Variants in GAN observed in about 807,000 individuals in gnomAD.
GAN encodes gigaxonin.
GAN carries 48 observed loss-of-function variants against 71.3 expected under a neutral mutation model. The ratio of observed to expected loss-of-function variants is 0.67; its 90% CI spans 0.53 to 0.86. GAN has a LOEUF of 0.86. Ranked by LOEUF, GAN falls within the 40% of genes least tolerant of loss-of-function variation. GAN has a pLI of 0.00. For missense variants in GAN, 928 were observed against 770.1 expected (o/e 1.21, Z -2.43); for synonymous variants, 386 against 276.8 (o/e 1.39, Z -3.92).
In GAN at chr16:81,388,368, A is replaced by C. The variant is rs1904464789; in HGVS notation, c.*10772A>C. 1.3e-5 allele frequency: 2 copies of C among 152,368 alleles called. No individual in the cohort carries two copies. Among genetic ancestry groups the C allele is most frequent in the African/African-American group, 4.8e-5 (2 of 41,446 alleles). The allele number at this position is 152,368 out of a possible 1,614,324, so 9.4% of individuals were successfully genotyped here. A position where few individuals can be genotyped will look rare whatever the true frequency, so the allele number is the denominator to read the frequency against. On this transcript the variant is annotated 3_prime_UTR_variant, in exon 11 of 11. Transcript: ENST00000648994. ...ATGAGCCTCACAGATCCCTGAGCAG[A>C]CCTGCATACTAGCACTTTCCACAAC...
chr16:81,316,203 A>G (rs1005346488), intron 1 of GAN, among the ~76,000 whole-genome samples: 5 of 152,132 alleles, frequency 3.3e-5, no homozygotes, highest in African/African-American at 9.7e-5. Context: ...ATAAAAGGAA[A>G]GGGGGGAATG....
rs1024792424 is a variant in GAN, at chr16:81,383,959, T to A, written c.*6363T>A. 1.9e-4 allele frequency: 29 copies of A among 152,180 alleles called. No homozygotes were observed. The highest frequency in any genetic ancestry group is 7.0e-4 in the African/African-American group (29 of 41,440). 9.4% of individuals were successfully genotyped at this position (152,180 alleles called of 1,614,324 possible). A position where few individuals can be genotyped will look rare whatever the true frequency, so the allele number is the denominator to read the frequency against. On this transcript the variant is annotated 3_prime_UTR_variant, in exon 11 of 11. Coordinates refer to ENST00000648994, the MANE Select transcript of GAN (RefSeq NM_022041.4). ...AGTAATAGGTTTGGGTACCTTATTTTTATTGTTTTTACTCATCAGTTATGA... is the reference window on the plus strand; with the variant it reads ...AGTAATAGGTTTGGGTACCTTATTTATATTGTTTTTACTCATCAGTTATGA...
intron 1 of GAN, among the ~76,000 whole-genome samples, chr16:81,325,605 G>C (rs568699398): frequency 1.3e-5 from 2 of 152,200 alleles, no homozygotes; most frequent in African/African-American, 4.8e-5. Flanking sequence ...AGGAAGGGAT[G>C]AACATGGAGC....
intron 1 of GAN, among the ~76,000 whole-genome samples, chr16:81,336,769 T>A (rs953813570): frequency 2.6e-5 from 4 of 152,114 alleles, no homozygotes; most frequent in African/African-American, 9.7e-5. Context: ...TGAGCCACCA[T>A]GCCAGAAGCT....
At chr16:81,320,801 A>G (rs575624868) in intron 1 of GAN, among the ~76,000 whole-genome samples, 20 of 152,198 alleles carry the variant, frequency 1.3e-4, no homozygotes, top group Non-Finnish European at 2.8e-4. Flanking sequence ...TAAGGGATCT[A>G]GACTTTGTTT....
At chr16:81,365,552 G>A (rs1314275268) in intron 9 of GAN, 74 bp downstream of exon 9, 4 of 1,463,622 alleles carry the variant, frequency 2.7e-6, no homozygotes, top group African/African-American at 2.8e-5. Context: ...GCTTTGTTTA[G>A]TTTTGTTTTC....
At chr16:81,333,809 G>A (rs932338175) in intron 1 of GAN, among the ~76,000 whole-genome samples, 3 of 152,170 alleles carry the variant, frequency 2.0e-5, no homozygotes, top group African/African-American at 7.2e-5. Flanking sequence ...AGTTTTCACT[G>A]GTTTGGTTAC....
At chr16:81,346,887 A>G (rs1490986210) in intron 1 of GAN, among the ~76,000 whole-genome samples, 1 of 152,216 alleles carries the variant, frequency 6.6e-6, no homozygotes, top group Non-Finnish European at 1.5e-5. Context: ...CAGTGCCTTT[A>G]ACTGAAGCTT....
chr16:81,320,807 TG>T (rs1340216323), intron 1 of GAN, among the ~76,000 whole-genome samples: 1 of 152,254 alleles, frequency 6.6e-6, no homozygotes, highest in Non-Finnish European at 1.5e-5. Flanking sequence ...ATCTAGACTT[TG>T]TTTTTATCTA....
At chr16:81,323,482 A>T (rs1909284004) in intron 1 of GAN, among the ~76,000 whole-genome samples, 1 of 152,226 alleles carries the variant, frequency 6.6e-6, no homozygotes, top group South Asian at 2.1e-4. Context: ...CATCCTTAAG[A>T]AATGTCATCA....
At chr16:81,351,882 T>C (rs1378398388) in intron 2 of GAN, among the ~76,000 whole-genome samples, 185 bp downstream of exon 2, 1 of 152,228 alleles carries the variant, frequency 6.6e-6, no homozygotes, top group Non-Finnish European at 1.5e-5. Context: ...GCTGTGCTCC[T>C]AGAGAAGCAG....
intron 1 of GAN, among the ~76,000 whole-genome samples, chr16:81,343,029 A>G (rs1318192532): frequency 1.3e-5 from 2 of 152,258 alleles, no homozygotes; most frequent in East Asian, 1.9e-4. Context: ...AACATCTAGA[A>G]GAAATGGATA....
At chr16:81,335,904 G>A (rs17774216) in intron 1 of GAN, among the ~76,000 whole-genome samples, 18,578 of 152,150 alleles carry the variant, frequency 0.12, 1,255 homozygotes, top group Admixed American at 0.15. Context: ...ATAGTGAAGA[G>A]TCCAGCTCTG....
In GAN at chr16:81,353,153, A is replaced by T. The variant is rs563119463; in HGVS notation, c.283-1252A>T. ...AAAAATACAAAAAATTAGCCGGGCGAGGTGGCGGGCGCCTGTAGTCCCGGC... is the reference window on the plus strand; with the variant it reads ...AAAAATACAAAAAATTAGCCGGGCGTGGTGGCGGGCGCCTGTAGTCCCGGC... On this transcript the variant is annotated intron_variant, in intron 2 of 10. Transcript: ENST00000648994. Among the ~76,000 whole-genome samples, 17 of 151,986 alleles carry T rather than the reference A, an allele frequency of 1.1e-4. No homozygotes were observed. In the South Asian group the frequency reaches 3.5e-3, roughly 32 times the overall value.
At chr16:81,317,864 G>T (rs759926173) in intron 1 of GAN, among the ~76,000 whole-genome samples, 1 of 151,978 alleles carries the variant, frequency 6.6e-6, no homozygotes, top group Non-Finnish European at 1.5e-5. Flanking sequence ...AGAGAAGGCA[G>T]ATTTTTTTTT....
chr16:81,356,967 T>G lies in GAN; in HGVS notation c.816T>G (p.Ser272=). The G allele has an allele frequency of 6.2e-7, 1 of 1,612,432 alleles. No individual in the cohort carries two copies. The highest frequency in any genetic ancestry group is 8.5e-7 in the Non-Finnish European group (1 of 1,178,866). Residue 272 remains serine, a synonymous_variant, in exon 4 of 11, where the codon TCT becomes TCG. Transcript: ENST00000648994. ...MLANFKPRGY[S]ECIVTVGGEE... The stretch of plus-strand genomic sequence containing the variant: ...CCAACTTCAAACCCCGGGGCTACTC[T>G]GAGTGCATCGTGACTGTTGGTGGAG...
In GAN at chr16:81,354,449, T is replaced by C. The variant is rs568951825; in HGVS notation, c.327T>C (p.Ala109=). 4.3e-6 allele frequency: 7 copies of C among 1,613,614 alleles called. No homozygotes were observed. Among genetic ancestry groups the C allele is most frequent in the African/African-American group, 1.3e-5 (1 of 75,052 alleles). Reference sequence around the variant, plus strand: ...CAATCCAAGATGTTGTTCAGGCAGCTGACCTGCTGCTACTGACGGACCTTA... The same window carrying C: ...CAATCCAAGATGTTGTTCAGGCAGCCGACCTGCTGCTACTGACGGACCTTA... The part of the protein sequence containing the change: ...EDTIQDVVQA[A]DLLLLTDLKT... The change falls in exon 3 of 11, where the codon GCT becomes GCC. Residue 109 remains alanine, a synonymous_variant. Coordinates refer to ENST00000648994, the MANE Select transcript of GAN (RefSeq NM_022041.4).
rs184128641 is a variant in GAN at position 81,356,866 on chromosome 16, C to G, written c.715C>G (p.Pro239Ala). 6.8e-6 allele frequency: 11 copies of G among 1,613,214 alleles called. No individual in the cohort carries two copies. The highest frequency in any genetic ancestry group is 8.5e-6 in the Non-Finnish European group (10 of 1,179,346). The change falls in exon 4 of 11, where the codon CCA (proline) becomes GCA (alanine). Residue 239 changes from proline to alanine, a missense_variant. Transcript: ENST00000648994. The part of the protein sequence containing the change: ...SYLREQMLNE[P>A]LVREIVKECS... ...TTTACGGGAACAGATGCTGAATGAACCATTAGTACGAGAAATTGTCAAAGA... is the reference window on the plus strand; with the variant it reads ...TTTACGGGAACAGATGCTGAATGAAGCATTAGTACGAGAAATTGTCAAAGA...
chr16:81,319,755 T>TG (rs1447178279), intron 1 of GAN, among the ~76,000 whole-genome samples: 4 of 151,722 alleles, frequency 2.6e-5, no homozygotes, highest in Non-Finnish European at 4.4e-5. Flanking sequence ...GAGGATAGAA[T>TG]GAGACATAGG....
Sources: gnomAD v4.1 joint callset for allele counts (sites outside exome capture counted in the v4.1 genomes callset) on GRCh38, gnomAD v4.1.1 for gene constraint, MANE v1.5 for transcripts, NCBI Gene and HGNC (gene_info 2026-07-23, HGNC 2026-07-21) for gene names.